The following MAP3K7CL variants were observed in gnomAD, a reference collection of about 807,000 sequenced individuals.
The protein encoded by MAP3K7CL is MAP3K7 C-terminal like.
In MAP3K7CL, 16 loss-of-function variants were observed where a neutral mutation model predicts 18.6. That is an observed-to-expected ratio of 0.86 (90% CI 0.58 to 1.31). The LOEUF is 1.31. MAP3K7CL is among the 50% of genes most tolerant of loss of function. The probability of loss-of-function intolerance (pLI) is 0.00; values close to 1 mark genes in which losing one functional copy is unlikely to be tolerated. For missense variants in MAP3K7CL, 163 were observed against 174.4 expected, an observed-to-expected ratio of 0.93 and a Z score of 0.37; for synonymous variants, 65 against 66.8, an observed-to-expected ratio of 0.97 and a Z score of 0.13.
At chr21:29,121,038 C>T (rs1247427499) in intron 4 of MAP3K7CL, among the ~76,000 whole-genome samples, 1 of 65,758 alleles carries the variant, frequency 1.5e-5, no homozygotes, top group Non-Finnish European at 3.4e-5. Flanking sequence ...TGTACTTCAG[C>T]CTGGGCAACA....
intron 4 of MAP3K7CL, among the ~76,000 whole-genome samples, chr21:29,101,984 C>G (rs1013723882): frequency 6.6e-6 from 1 of 152,186 alleles, no homozygotes; most frequent in Non-Finnish European, 1.5e-5. Context: ...AACCCACCAA[C>G]AGAGAAAGTG....
rs16983723 is a variant in MAP3K7CL, at chr21:29,094,008, T to C, written c.370+1427T>C. Among the ~76,000 whole-genome samples, 1,241 of 152,380 alleles carry C rather than the reference T, an allele frequency of 8.1e-3. 14 individuals carry two copies. The highest frequency in any genetic ancestry group is 0.028 in the African/African-American group (1,159 of 41,596). ...AAGGTTAGTTTATGTCACATTGTCATGTATCTGTGAATATCATTTTTGTAA... is the reference window on the plus strand; with the variant it reads ...AAGGTTAGTTTATGTCACATTGTCACGTATCTGTGAATATCATTTTTGTAA... On this transcript the variant is annotated intron_variant, in intron 4 of 6. Transcript: ENST00000286791.
chr21:29,095,295 C>T (rs1052625679), intron 4 of MAP3K7CL, among the ~76,000 whole-genome samples: 8 of 152,144 alleles, frequency 5.3e-5, no homozygotes, highest in African/African-American at 4.8e-5. Context: ...TTTGACTCCA[C>T]GCCTTTCTAC....
chr21:29,130,476 C>T (rs867055851), upstream of MAP3K7CL: 24 of 469,336 alleles, frequency 5.1e-5, no homozygotes, highest in East Asian at 3.1e-4. Flanking sequence ...ACACAGACAC[C>T]GATTGGGTCA....
At chr21:29,174,008 C>T (rs145513862) in intron 4 of MAP3K7CL, among the ~76,000 whole-genome samples, 69 of 152,276 alleles carry the variant, frequency 4.5e-4, no homozygotes, top group Middle Eastern at 3.4e-3. Flanking sequence ...CCTTTAGCTC[C>T]TTATAATGTG....
intron 2 of MAP3K7CL, among the ~76,000 whole-genome samples, chr21:29,146,768 G>T (rs2087137259): frequency 6.6e-6 from 1 of 152,176 alleles, no homozygotes; most frequent in South Asian, 2.1e-4. Context: ...ACTTTTAAAT[G>T]GAAGTATTGT....
intron 4 of MAP3K7CL, chr21:29,109,758 G>A: frequency 1.0e-6 from 1 of 985,568 alleles, no homozygotes; most frequent in South Asian, 4.7e-5. Context: ...AGGCAAAATT[G>A]TACAATGGTC....
At chr21:29,117,585 T>C (rs916201383) in intron 4 of MAP3K7CL, among the ~76,000 whole-genome samples, 2 of 152,248 alleles carry the variant, frequency 1.3e-5, no homozygotes, top group African/African-American at 2.4e-5. Flanking sequence ...TTAGTCATTT[T>C]TGTGTCTGCA....
At chr21:29,143,874 G>A (rs192211874) in intron 2 of MAP3K7CL, among the ~76,000 whole-genome samples, 208 of 152,256 alleles carry the variant, frequency 1.4e-3, no homozygotes, top group African/African-American at 4.6e-3. Flanking sequence ...ACCTGGTCTG[G>A]CTTTGATGAA....
chr21:29,120,050 G>A (rs555467554), intron 4 of MAP3K7CL, among the ~76,000 whole-genome samples: 2 of 152,100 alleles, frequency 1.3e-5, no homozygotes, highest in Non-Finnish European at 2.9e-5. Flanking sequence ...TTGAACATTA[G>A]TTCCATTTCC....
At chr21:29,109,205 G>A (rs1045550092) in intron 4 of MAP3K7CL, 1 of 1,535,230 alleles carries the variant, frequency 6.5e-7, no homozygotes, top group Non-Finnish European at 8.7e-7. Context: ...GGGAAGGGTG[G>A]GTAAGTATTA....
intron 2 of MAP3K7CL, among the ~76,000 whole-genome samples, chr21:29,148,076 T>C (rs2087181758): frequency 6.6e-6 from 1 of 152,076 alleles, no homozygotes; most frequent in Non-Finnish European, 1.5e-5. Flanking sequence ...TATGTATCTG[T>C]GCTATATCTC....
At chr21:29,114,053 T>TA (rs1555874219) in intron 4 of MAP3K7CL, among the ~76,000 whole-genome samples, 5 of 152,074 alleles carry the variant, frequency 3.3e-5, no homozygotes, top group Non-Finnish European at 5.9e-5. Context: ...TTATTCTAAT[T>TA]AATTAAATTA....
intron 3 of MAP3K7CL, among the ~76,000 whole-genome samples, chr21:29,150,879 C>T (rs1364436005): frequency 6.6e-6 from 1 of 151,346 alleles, no homozygotes; most frequent in Admixed American, 6.6e-5. Context: ...AAGCGATTCT[C>T]CCATCTCAGC....
At chr21:29,174,566 T>TA in intron 4 of MAP3K7CL, 146 bp from the exon 5 acceptor site, 2 of 984,306 alleles carry the variant, frequency 2.0e-6, no homozygotes, top group Non-Finnish European at 2.9e-6. Context: ...GCTGGACAAA[T>TA]AAAAGTCATT....
intron 1 of MAP3K7CL, among the ~76,000 whole-genome samples, 167 bp from the exon 2 acceptor site, chr21:29,133,139 G>A (rs562500982): frequency 7.9e-5 from 12 of 152,236 alleles, no homozygotes; most frequent in Admixed American, 2.6e-4. Context: ...TAAATGGGGC[G>A]GATGAATACT....
chr21:29,101,513 A>G (rs1052244261), intron 4 of MAP3K7CL, among the ~76,000 whole-genome samples: 2 of 152,118 alleles, frequency 1.3e-5, no homozygotes, highest in Admixed American at 6.5e-5. Context: ...GGATTCAGCC[A>G]TTCTCCTGCC....
intron 3 of MAP3K7CL, among the ~76,000 whole-genome samples, chr21:29,158,675 G>A (rs1338898554): frequency 6.6e-5 from 10 of 152,136 alleles, no homozygotes; most frequent in African/African-American, 1.9e-4. Flanking sequence ...AGAATATAAT[G>A]AGAGGAACAA....
chr21:29,109,259 C>G (rs1009857769), intron 4 of MAP3K7CL: 1 of 1,533,740 alleles, frequency 6.5e-7, no homozygotes, highest in Admixed American at 2.0e-5. Context: ...TATATACAAC[C>G]AGATAGTGCA....
Sources: gnomAD v4.1 joint callset for allele counts (sites outside exome capture counted in the v4.1 genomes callset) on GRCh38, gnomAD v4.1.1 for gene constraint, MANE v1.5 for transcripts, NCBI Gene and HGNC (gene_info 2026-07-23, HGNC 2026-07-21) for gene names.